Variants in OSBPL10 observed in about 807,000 individuals in gnomAD.
The protein encoded by OSBPL10 is oxysterol binding protein like 10.
Under a neutral mutation model 81.7 loss-of-function variants are expected in OSBPL10, and 49 were observed. That is an observed-to-expected ratio of 0.60 (90% CI 0.48 to 0.76). The LOEUF (loss-of-function observed/expected upper bound fraction) is 0.76. Among genes scored for constraint, OSBPL10 ranks in the 30% least tolerant of loss-of-function variants. OSBPL10 has a pLI of 0.00. For synonymous variants in OSBPL10, 419 were observed against 383.6 expected (o/e 1.09, Z -1.08); for missense variants, 923 against 987.8 (o/e 0.93, Z 0.88).
At chr3:31,724,815 T>C (rs17028121) in intron 6 of OSBPL10, among the ~76,000 whole-genome samples, 14,801 of 152,066 alleles carry the variant, frequency 0.097, 1,814 homozygotes, top group African/African-American at 0.29. Context: ...TTGCTAAGAT[T>C]GAGAAGGAAG....
chr3:31,899,817 CA>C (rs1251458443), intron 1 of OSBPL10, among the ~76,000 whole-genome samples: 2 of 151,950 alleles, frequency 1.3e-5, no homozygotes, highest in African/African-American at 4.8e-5. Flanking sequence ...CCCACCTCTA[CA>C]AAAAAAATTT....
intron 3 of OSBPL10, among the ~76,000 whole-genome samples, chr3:31,831,921 CCT>C (rs1190304600): frequency 6.6e-6 from 1 of 152,138 alleles, no homozygotes; most frequent in Non-Finnish European, 1.5e-5. Flanking sequence ...GCTATATGTC[CCT>C]GTTAGTCACC....
intron 7 of OSBPL10, among the ~76,000 whole-genome samples, chr3:31,695,747 CCT>C (rs1157654582): frequency 2.0e-5 from 3 of 152,320 alleles, no homozygotes; most frequent in South Asian, 2.1e-4. Context: ...CTACCTGCTT[CCT>C]CTCTCTACTT....
chr3:31,705,846 C>A (rs888853784), intron 6 of OSBPL10, among the ~76,000 whole-genome samples: 6 of 152,052 alleles, frequency 3.9e-5, no homozygotes, highest in Non-Finnish European at 7.4e-5. Context: ...GAACAGTGTT[C>A]CCCCATCTCT....
At chr3:31,738,005 A>G (rs374542190) in intron 5 of OSBPL10, among the ~76,000 whole-genome samples, 5 of 123,098 alleles carry the variant, frequency 4.1e-5, no homozygotes, top group African/African-American at 1.5e-4. Flanking sequence ...GTCTCAAAAA[A>G]AAAAAAAAGA....
intron 1 of OSBPL10, among the ~76,000 whole-genome samples, chr3:31,922,390 G>A (rs1004638004): frequency 9.9e-5 from 15 of 152,108 alleles, no homozygotes; most frequent in African/African-American, 1.9e-4. Flanking sequence ...AGGCCATGGC[G>A]GGCAGATCAC....
intron 4 of OSBPL10, among the ~76,000 whole-genome samples, chr3:31,813,875 T>G (rs539903391): frequency 1.3e-5 from 2 of 151,832 alleles, no homozygotes; most frequent in Non-Finnish European, 2.9e-5. Context: ...TCCATAAGTA[T>G]GAGCTTTCTT....
intron 1 of OSBPL10, chr3:31,960,426 C>A (rs1018203740): frequency 6.6e-6 from 1 of 152,166 alleles, no homozygotes; most frequent in African/African-American, 2.4e-5. Flanking sequence ...AGGGCATTTG[C>A]ATCAATTAGG....
chr3:31,844,645 G>A (rs1700582690), intron 3 of OSBPL10, among the ~76,000 whole-genome samples: 1 of 152,228 alleles, frequency 6.6e-6, no homozygotes, highest in African/African-American at 2.4e-5. Context: ...GCTCAGGGAA[G>A]AGAAATGGGG....
chr3:31,803,449 A>G (rs965127989), intron 4 of OSBPL10, among the ~76,000 whole-genome samples: 6 of 152,212 alleles, frequency 3.9e-5, no homozygotes, highest in Non-Finnish European at 8.8e-5. Flanking sequence ...TCAAACCAAA[A>G]GTACCTCACA....
At chr3:31,915,989 G>A (rs964688922) in intron 1 of OSBPL10, among the ~76,000 whole-genome samples, 9 of 151,466 alleles carry the variant, frequency 5.9e-5, no homozygotes, top group African/African-American at 1.5e-4. Flanking sequence ...CCAGCTACTC[G>A]GGAGGCTGAG....
At chr3:31,833,697 A>ACG (rs143927166) in intron 3 of OSBPL10, among the ~76,000 whole-genome samples, 2,632 of 127,874 alleles carry the variant, frequency 0.021, 75 homozygotes, top group African/African-American at 0.084. Context: ...AAACACGCAC[A>ACG]CGCACACGCA....
intron 1 of OSBPL10, among the ~76,000 whole-genome samples, chr3:31,939,117 A>G (rs1697463293): frequency 6.8e-6 from 1 of 147,106 alleles, no homozygotes; most frequent in Non-Finnish European, 1.5e-5. Flanking sequence ...CTCTCTTTTC[A>G]GTTTAATGTG....
intron 1 of OSBPL10, among the ~76,000 whole-genome samples, chr3:31,972,687 C>T (rs927581275): frequency 1.3e-5 from 2 of 152,212 alleles, no homozygotes; most frequent in African/African-American, 4.8e-5. Flanking sequence ...GCAGCCTGCA[C>T]AGGCCACAAG....
chr3:32,037,524 A>G lies in OSBPL10; in HGVS notation n.298+8967T>C, dbSNP rs574547182. On this transcript the variant is annotated intron_variant and non_coding_transcript_variant, in intron 2 of 3. Transcript: ENST00000479173. The stretch of plus-strand genomic sequence containing the variant: ...TTTTCAATTTTTTTAACGAGAAAAG[A>G]TAGGTCATTTCAAAGAGGTCTTGTG... 6 of 199,098 alleles carry G rather than the reference A, an allele frequency of 3.0e-5. No homozygotes were observed. The South Asian group carries it at 5.6e-4, about 19-fold the overall frequency. The allele number at this position is 199,098 out of a possible 1,614,324, so 12.3% of individuals were successfully genotyped here.
At position 31,822,913 on chromosome 3, in the gene OSBPL10, TA is replaced by T. The variant is rs71097447; in HGVS notation, c.729+7126del. Among the ~76,000 whole-genome samples, 94 of 89,046 alleles carry T rather than the reference TA, an allele frequency of 1.1e-3. 2 individuals are homozygous for T. Among genetic ancestry groups the T allele is most frequent in the African/African-American group, 1.0e-3 (26 of 25,460 alleles). 58.4% of individuals were successfully genotyped at this position (89,046 alleles called of 152,430 possible). A position where few individuals can be genotyped will look rare whatever the true frequency, so the allele number is the denominator to read the frequency against. The stretch of plus-strand genomic sequence containing the variant: ...TCCAACAGAGTGAGACCCCCAACTC[TA>T]AAAAAAAAAAAAAAGTTAAAATAGA... On this transcript the variant is annotated intron_variant, in intron 4 of 11. Coordinates refer to ENST00000396556, the MANE Select transcript of OSBPL10 (RefSeq NM_017784.5).
chr3:31,857,803 GGAGAGAGAGAGAA>G (rs1700957688), intron 3 of OSBPL10, among the ~76,000 whole-genome samples: 1 of 46,454 alleles, frequency 2.2e-5, no homozygotes, highest in Non-Finnish European at 4.2e-5. Flanking sequence ...AGACAGAAAG[GGAGAGAGAGAGAA>G]AGGGAGAGGG....
At chr3:31,892,075 T>C (rs967718096) in intron 1 of OSBPL10, among the ~76,000 whole-genome samples, 1 of 151,640 alleles carries the variant, frequency 6.6e-6, no homozygotes, top group African/African-American at 2.4e-5. Flanking sequence ...TAGAAGTGAG[T>C]CAATTAGTAG....
intron 2 of OSBPL10, among the ~76,000 whole-genome samples, chr3:32,015,569 G>GC (rs1441091262): frequency 1.3e-5 from 2 of 152,156 alleles, no homozygotes; most frequent in African/African-American, 4.8e-5. Flanking sequence ...AACACCAAAA[G>GC]CAATGGCAAC....
Sources: allele counts gnomAD v4.1 joint callset (sites outside exome capture counted in the v4.1 genomes callset), GRCh38; gene constraint gnomAD v4.1.1; transcripts MANE v1.5; gene names NCBI Gene and HGNC (gene_info 2026-07-23, HGNC 2026-07-21).